The following OSBPL1A variants were observed in gnomAD, a reference collection of about 807,000 sequenced individuals.
The protein encoded by OSBPL1A is oxysterol-binding protein-related protein 1.
OSBPL1A carries 80 observed loss-of-function variants against 137.1 expected under a neutral mutation model. The ratio of observed to expected loss-of-function variants is 0.58; its 90% confidence interval spans 0.49 to 0.70. The LOEUF is 0.70. OSBPL1A is among the 30% of genes least tolerant of loss of function. The probability of loss-of-function intolerance (pLI) is 0.00; values close to 1 mark genes in which losing one functional copy is unlikely to be tolerated. For missense variants in OSBPL1A, 970 were observed against 1,129.4 expected (o/e 0.86, Z 2.02); for synonymous variants, 365 against 389.7 (o/e 0.94, Z 0.75).
chr18:24,253,174 G>C (rs113583600), intron 15 of OSBPL1A, among the ~76,000 whole-genome samples: 9,542 of 131,906 alleles, frequency 0.072, 1,273 homozygotes, highest in African/African-American at 0.15. Context: ...TGGCGGGGGG[G>C]GGCGCTGAAT....
At chr18:24,335,666 T>G (rs575431345) in intron 5 of OSBPL1A, among the ~76,000 whole-genome samples, 4 of 152,334 alleles carry the variant, frequency 2.6e-5, no homozygotes, top group African/African-American at 4.8e-5. Context: ...TTTCAGGTCA[T>G]CCTGACTAAA....
chr18:24,380,952 C>CAA (rs60495683), intron 1 of OSBPL1A, among the ~76,000 whole-genome samples: 9 of 123,218 alleles, frequency 7.3e-5, no homozygotes, highest in African/African-American at 1.4e-4. Context: ...AATTCCATCT[C>CAA]AAAAAAAAAA....
At chr18:24,209,590 A>C (rs552315711) in intron 17 of OSBPL1A, among the ~76,000 whole-genome samples, 5 of 152,354 alleles carry the variant, frequency 3.3e-5, no homozygotes, top group African/African-American at 1.2e-4. Context: ...AACATTTATA[A>C]AAGCTTTTTT....
At chr18:24,339,590 A>T (rs992080541) in intron 5 of OSBPL1A, among the ~76,000 whole-genome samples, 12 of 152,222 alleles carry the variant, frequency 7.9e-5, no homozygotes, top group African/African-American at 2.4e-4. Flanking sequence ...TTGTCAGACT[A>T]ACCTAACATT....
intron 1 of OSBPL1A, among the ~76,000 whole-genome samples, chr18:24,391,653 C>T (rs940101250): frequency 1.3e-5 from 2 of 151,484 alleles, no homozygotes; most frequent in Non-Finnish European, 1.5e-5. Context: ...TACTTGAGCC[C>T]GGGAGTTCAA....
intron 15 of OSBPL1A, among the ~76,000 whole-genome samples, chr18:24,259,576 G>A (rs1418140083): frequency 6.6e-6 from 1 of 152,072 alleles, no homozygotes; most frequent in African/African-American, 2.4e-5. Flanking sequence ...TTGACAGTAG[G>A]AACAGCCCCT....
chr18:24,214,178 G>A (rs761807712), intron 17 of OSBPL1A, among the ~76,000 whole-genome samples: 2 of 152,198 alleles, frequency 1.3e-5, no homozygotes, highest in Non-Finnish European at 1.5e-5. Flanking sequence ...ACAGGTGCTG[G>A]AACAGACGGA....
At position 24,368,515 on chromosome 18, in the gene OSBPL1A, A is replaced by G. The variant is rs960176708; in HGVS notation, c.122-143T>C. ...TGAGAGGCAAGATATGTGACCAAGA[A>G]GTGTAATGGGTGTAAAGGACGAGAA... On this transcript the variant is annotated intron_variant, in intron 2 of 27. Transcript: ENST00000319481. 7.8e-6 allele frequency: 5 copies of G among 639,910 alleles called. No homozygotes were observed. In the African/African-American group the frequency reaches 9.2e-5, roughly 12 times the overall value. 39.6% of individuals were successfully genotyped at this position (639,910 alleles called of 1,614,324 possible).
chr18:24,277,197 T>C (rs950752904), intron 15 of OSBPL1A, among the ~76,000 whole-genome samples: 22 of 152,084 alleles, frequency 1.4e-4, no homozygotes, highest in African/African-American at 5.1e-4. Context: ...AGGGCATCTC[T>C]GTATTAAGGC....
At chr18:24,316,383 G>C in intron 11 of OSBPL1A, among the ~76,000 whole-genome samples, 1 of 152,062 alleles carries the variant, frequency 6.6e-6, no homozygotes, top group East Asian at 1.9e-4. Flanking sequence ...TTGCCAGAAT[G>C]GGTAATAGGA....
intron 13 of OSBPL1A, among the ~76,000 whole-genome samples, chr18:24,307,951 T>G (rs56074619): frequency 0.28 from 41,784 of 151,488 alleles, 6,838 homozygotes; most frequent in African/African-American, 0.46. Flanking sequence ...CACCATGCCT[T>G]TCTAATTTTT....
chr18:24,281,983 T>C (rs2089970478), intron 14 of OSBPL1A, among the ~76,000 whole-genome samples: 4 of 152,052 alleles, frequency 2.6e-5, no homozygotes, highest in African/African-American at 9.7e-5. Context: ...ACTGTGTATA[T>C]GAGGGATTTA....
chr18:24,366,129 C>T (rs2091698639), intron 4 of OSBPL1A, among the ~76,000 whole-genome samples: 2 of 152,188 alleles, frequency 1.3e-5, no homozygotes, highest in African/African-American at 4.8e-5. Context: ...GCTAGAGCAG[C>T]CCACAAAACT....
At chr18:24,171,799 A>T (rs2086294130) in intron 22 of OSBPL1A, among the ~76,000 whole-genome samples, 1 of 152,194 alleles carries the variant, frequency 6.6e-6, no homozygotes, top group Admixed American at 6.5e-5. Flanking sequence ...AAAGGAAGCA[A>T]AATGAGCTGA....
chr18:24,330,863 C>T (rs760133428), intron 7 of OSBPL1A, among the ~76,000 whole-genome samples: 3 of 152,096 alleles, frequency 2.0e-5, no homozygotes, highest in Admixed American at 6.5e-5. Context: ...GGCATGATCT[C>T]GCCTCACTGC....
At chr18:24,223,372 C>T (rs8097484) in intron 17 of OSBPL1A, among the ~76,000 whole-genome samples, 142,065 of 152,170 alleles carry the variant, frequency 0.93, 66,509 homozygotes, top group Middle Eastern at 0.98. Context: ...ATAGGAATTA[C>T]GTATTCCCAC....
rs1233264916 is a variant in OSBPL1A, at chr18:24,250,174, G to GTTT, written c.1282-10795_1282-10793dup. On this transcript the variant is annotated intron_variant, in intron 15 of 27. Transcript: ENST00000319481. The stretch of plus-strand genomic sequence containing the variant: ...TGTGTTTTTGTTTGTTTGTTTGTTT[G>GTTT]TTTGTTTGTTTGTTTTTTTTGACAT... Among the ~76,000 whole-genome samples the GTTT allele has an allele frequency of 3.4e-3, 255 of 75,284 alleles. 23 individuals carry two copies. The highest frequency in any genetic ancestry group is 0.019 in the Middle Eastern group (3 of 162). The allele number at this position is 75,284 out of a possible 152,430, so 49.4% of individuals were successfully genotyped here.
At chr18:24,346,326 C>T (rs2091344643) in intron 4 of OSBPL1A, among the ~76,000 whole-genome samples, 2 of 152,142 alleles carry the variant, frequency 1.3e-5, no homozygotes, top group Non-Finnish European at 1.5e-5. Context: ...AGGTGTAATT[C>T]ACATACCATA....
chr18:24,269,435 T>C (rs1599592983), intron 15 of OSBPL1A, among the ~76,000 whole-genome samples: 1 of 152,238 alleles, frequency 6.6e-6, no homozygotes. Context: ...TAAGAATTTA[T>C]TTAGTCACCT....
Sources: gnomAD v4.1 joint callset for allele counts (sites outside exome capture counted in the v4.1 genomes callset) on GRCh38, gnomAD v4.1.1 for gene constraint, MANE v1.5 for transcripts, NCBI Gene and HGNC (gene_info 2026-07-23, HGNC 2026-07-21) for gene names.